The following PTPN21 variants were observed in gnomAD, a reference collection of about 807,000 sequenced individuals.
The protein encoded by PTPN21 is tyrosine-protein phosphatase non-receptor type 21.
In PTPN21, 77 loss-of-function variants were observed where a neutral mutation model predicts 131.8. The observed-to-expected ratio is 0.58, with a 90% CI of 0.49 to 0.71. The LOEUF (loss-of-function observed/expected upper bound fraction) is 0.71, where lower values mean the gene tolerates loss of function less well. PTPN21 is among the 30% of genes least tolerant of loss of function. The pLI is 0.00. For missense variants in PTPN21, 1,552 were observed against 1,527.1 expected (o/e 1.02, Z -0.27); for synonymous variants, 715 against 621.3 (o/e 1.15, Z -2.24).
intron 10 of PTPN21, among the ~76,000 whole-genome samples, chr14:88,491,227 T>C (rs2077819104): frequency 6.6e-6 from 1 of 152,256 alleles, no homozygotes; most frequent in South Asian, 2.1e-4. Flanking sequence ...AGAAGGCTGT[T>C]GGATTATGCC....
chr14:88,510,223 C>T (rs191828377), intron 3 of PTPN21, among the ~76,000 whole-genome samples: 106 of 152,266 alleles, frequency 7.0e-4, no homozygotes, highest in Admixed American at 2.1e-3. Flanking sequence ...TGTTTAAATG[C>T]TATACCAGGA....
intron 2 of PTPN21, among the ~76,000 whole-genome samples, chr14:88,534,730 C>G (rs983612469): frequency 2.6e-5 from 4 of 151,898 alleles, no homozygotes; most frequent in Non-Finnish European, 5.9e-5. Context: ...AAAAATTAGC[C>G]AGGTGTGGTG....
intron 2 of PTPN21, among the ~76,000 whole-genome samples, chr14:88,540,282 C>T (rs1242283240): frequency 6.6e-6 from 1 of 152,142 alleles, no homozygotes; most frequent in Non-Finnish European, 1.5e-5. Flanking sequence ...ACTCCATCAA[C>T]GAGATGGTGG....
intron 10 of PTPN21, among the ~76,000 whole-genome samples, chr14:88,490,954 A>G (rs1208889107): frequency 6.6e-6 from 1 of 152,180 alleles, no homozygotes; most frequent in African/African-American, 2.4e-5. Flanking sequence ...TTTTCCTTAT[A>G]TAAATCAGGG....
In PTPN21 at chr14:88,522,948, A is replaced by ATTT. The variant is rs35795303; in HGVS notation, c.181-5690_181-5688dup. ...GCAAAGATTTTTCCTGGGTAAGACCATTTTTTTTTTTGGCTCGTCTTGAAT... is the reference window on the plus strand; with the variant it reads ...GCAAAGATTTTTCCTGGGTAAGACCATTTTTTTTTTTTTTGGCTCGTCTTGAAT... On this transcript the variant is annotated intron_variant, in intron 2 of 18. Coordinates refer to ENST00000556564, the MANE Select transcript of PTPN21 (RefSeq NM_007039.4). 4.6e-3 allele frequency among the ~76,000 whole-genome samples: 681 copies of ATTT among 147,934 alleles called. 7 individuals are homozygous for ATTT. The highest frequency in any genetic ancestry group is 0.015 in the African/African-American group (628 of 40,596).
Position 88,517,095 on chromosome 14 carries a change from G to C in PTPN21, c.347C>G (p.Thr116Ser), listed in dbSNP as rs1369968275. The change falls in exon 3 of 19, where the codon ACC (threonine) becomes AGC (serine). Residue 116 changes from threonine to serine, a missense_variant. Physicochemically the swap from Thr to Ser is moderately conservative, Grantham distance 58. Around this residue, in one of 4 missense-constraint regions of PTPN21, gnomAD observed 206 missense variants for 221.6 expected, o/e 0.93. Transcript: ENST00000556564. ...CAAACGGCATGTAATTTCTCACCTGGTAATCTCCTGCTGCAGCTGAGAAAC... is the reference window on the plus strand; with the variant it reads ...CAAACGGCATGTAATTTCTCACCTGCTAATCTCCTGCTGCAGCTGAGAAAC... ...PSVSQLQQEI[T>S]RYQYYLQLKK... 3.1e-6 allele frequency: 5 copies of C among 1,612,878 alleles called. No homozygotes were observed. Among genetic ancestry groups the C allele is most frequent in the Non-Finnish European group, 4.2e-6 (5 of 1,179,338 alleles).
chr14:88,472,465 A>G lies in PTPN21; in HGVS notation c.2650T>C (p.Cys884Arg). 6.3e-7 allele frequency: 1 copy of G among 1,584,100 alleles called. No homozygotes were observed. Among genetic ancestry groups the G allele is most frequent in the Non-Finnish European group, 8.7e-7 (1 of 1,153,268 alleles). Reference protein sequence around the residue: ...VATRATNDERCKILEQRLEQG... With the variant: ...VATRATNDERRKILEQRLEQG... ...TCTAATCGTTGTTCCAGAATTTTACACTATAAAACAGAATATGTGTAATAA... is the reference window on the plus strand; with the variant it reads ...TCTAATCGTTGTTCCAGAATTTTACGCTATAAAACAGAATATGTGTAATAA... Residue 884 changes from cysteine (C) to arginine (R), a missense_variant and splice_region_variant, in exon 15 of 19, where the codon TGT becomes CGT. By Grantham distance (180) the Cys-to-Arg change is radical (BLOSUM62 -3). Around this residue, in one of 4 missense-constraint regions of PTPN21, gnomAD observed 316 missense variants for 378.5 expected, o/e 0.83. Transcript: ENST00000556564.
At chr14:88,470,658 G>C (rs975957703) in intron 15 of PTPN21, among the ~76,000 whole-genome samples, 1 of 152,176 alleles carries the variant, frequency 6.6e-6, no homozygotes, top group South Asian at 2.1e-4. Context: ...CTCACTAAAC[G>C]TAAAACCCAG....
rs562994114 is a variant in PTPN21 at position 88,511,675 on chromosome 14, A to G, written c.351-3655T>C. Among the ~76,000 whole-genome samples the G allele has an allele frequency of 3.3e-5, 5 of 152,332 alleles. No individual in the cohort carries two copies. The East Asian group carries it at 5.8e-4, about 18-fold the overall frequency. Reference sequence around the variant, plus strand: ...CAAGCAACAAGAAGAATGAAATAACAGGAAAAAAACAAAGCAGTAATAAAA... The same window carrying G: ...CAAGCAACAAGAAGAATGAAATAACGGGAAAAAAACAAAGCAGTAATAAAA... On this transcript the variant is annotated intron_variant, in intron 3 of 18. Coordinates refer to ENST00000556564, the MANE Select transcript of PTPN21 (RefSeq NM_007039.4).
At chr14:88,474,041 G>T in intron 13 of PTPN21, 1 of 267,438 alleles carries the variant, frequency 3.7e-6, no homozygotes, top group Non-Finnish European at 6.7e-6. Flanking sequence ...AACACTATTG[G>T]TTACAAAGTT....
chr14:88,484,594 T>A (rs1022196177), intron 12 of PTPN21, among the ~76,000 whole-genome samples: 1 of 152,136 alleles, frequency 6.6e-6, no homozygotes, highest in Non-Finnish European at 1.5e-5. Context: ...TTGGCCAAAT[T>A]TGAGACCAGT....
intron 2 of PTPN21, among the ~76,000 whole-genome samples, chr14:88,530,732 A>T (rs1340047426): frequency 6.6e-6 from 1 of 152,182 alleles, no homozygotes; most frequent in Admixed American, 6.5e-5. Context: ...CCAACAGGAA[A>T]ATATTACCAT....
chr14:88,517,650 A>ATGTATATATACAGG (rs1555388038), intron 2 of PTPN21, among the ~76,000 whole-genome samples: 2 of 147,080 alleles, frequency 1.4e-5, no homozygotes, highest in Non-Finnish European at 3.0e-5. Context: ...TATCATATAT[A>ATGTATATATACAGG]TGTATATATA....
chr14:88,479,697 C>A lies in PTPN21; in HGVS notation c.1734G>T (p.Thr578=). The change falls in exon 13 of 19, where the codon ACG becomes ACT. Residue 578 remains threonine (T), a synonymous_variant. Coordinates refer to ENST00000556564, the MANE Select transcript of PTPN21 (RefSeq NM_007039.4). ...TGTAAAGGTGGCGGGACAGGTCTGG[C>A]GTGCTGTTGGCGGGCCTGGGGGGCG... ...PYPPPRPANS[T]PDLSRHLYIS... 8.6e-7 allele frequency: 1 copy of A among 1,167,264 alleles called. No homozygotes were observed. The highest frequency in any genetic ancestry group is 1.1e-6 in the Non-Finnish European group (1 of 914,708). 72.3% of individuals were successfully genotyped at this position (1,167,264 alleles called of 1,614,324 possible).
At chr14:88,531,278 G>A (rs2078552360) in intron 2 of PTPN21, among the ~76,000 whole-genome samples, 1 of 152,194 alleles carries the variant, frequency 6.6e-6, no homozygotes, top group Admixed American at 6.5e-5. Flanking sequence ...CTGGGATATG[G>A]CTGGGCACAG....
At chr14:88,516,165 A>G (rs779098201) in intron 3 of PTPN21, among the ~76,000 whole-genome samples, 1 of 152,216 alleles carries the variant, frequency 6.6e-6, no homozygotes, top group Non-Finnish European at 1.5e-5. Context: ...ACAGGGTATG[A>G]CAATTACCAT....
At chr14:88,542,587 A>G (rs1595417458) in intron 2 of PTPN21, among the ~76,000 whole-genome samples, 2 of 152,310 alleles carry the variant, frequency 1.3e-5, no homozygotes, top group South Asian at 4.2e-4. Context: ...ATAATACTCT[A>G]TTCTTCAAAT....
In PTPN21 at chr14:88,554,740, C is replaced by A; in HGVS notation, c.-292G>T. ...GGCCCCGCCGCGCGGCCGCCGCAGCCGCACCCGCACGCCAGCCCGGGCCGC... is the reference window on the plus strand; with the variant it reads ...GGCCCCGCCGCGCGGCCGCCGCAGCAGCACCCGCACGCCAGCCCGGGCCGC... On this transcript the variant is annotated 5_prime_UTR_variant, in exon 1 of 19. Coordinates refer to ENST00000556564, the MANE Select transcript of PTPN21 (RefSeq NM_007039.4). 6.7e-6 allele frequency: 1 copy of A among 149,066 alleles called. No individual in the cohort carries two copies. The highest frequency in any genetic ancestry group is 2.0e-4 in the South Asian group (1 of 5,102). 9.2% of individuals were successfully genotyped at this position (149,066 alleles called of 1,614,324 possible).
chr14:88,504,298 C>T (rs1595377187), intron 6 of PTPN21, 127 bp downstream of exon 6: 1 of 720,704 alleles, frequency 1.4e-6, no homozygotes, highest in East Asian at 2.8e-5. Context: ...ATAGTAGTGG[C>T]AGTAATGTTC....
Sources: gnomAD v4.1 joint callset for allele counts (sites outside exome capture counted in the v4.1 genomes callset) on GRCh38, gnomAD v4.1.1 for gene constraint, gnomAD v4.1.1 regional missense constraint, MANE v1.5 for transcripts, NCBI Gene and HGNC (gene_info 2026-07-23, HGNC 2026-07-21) for gene names.